The following NUDCD3 variants were observed in gnomAD, a reference collection of about 807,000 sequenced individuals.
The protein encoded by NUDCD3 is nudC domain-containing protein 3.
NUDCD3 carries 13 observed loss-of-function variants against 39.7 expected under a neutral mutation model. That is an observed-to-expected ratio of 0.33 (90% CI 0.21 to 0.52). The LOEUF (loss-of-function observed/expected upper bound fraction) is 0.52, where lower values mean the gene tolerates loss of function less well. NUDCD3 is among the 20% of genes least tolerant of loss of function. The pLI, the probability that NUDCD3 is intolerant of heterozygous loss-of-function variation, is 0.96. For missense variants in NUDCD3, 453 were observed against 458.1 expected (o/e 0.99, Z 0.10); for synonymous variants, 175 against 172.4 (o/e 1.02, Z -0.12).
chr7:44,391,606 C>T (rs984121800), intron 5 of NUDCD3, among the ~76,000 whole-genome samples: 3 of 152,162 alleles, frequency 2.0e-5, no homozygotes, highest in Non-Finnish European at 1.5e-5. Flanking sequence ...GCACTGCGTC[C>T]GCGTGCCCTG....
intron 2 of NUDCD3, among the ~76,000 whole-genome samples, chr7:44,450,306 T>C (rs1472415376): frequency 1.3e-5 from 2 of 151,920 alleles, no homozygotes; most frequent in Non-Finnish European, 2.9e-5. Context: ...GCCTCCCCAG[T>C]AGCAGGCTCA....
intron 3 of NUDCD3, among the ~76,000 whole-genome samples, chr7:44,419,390 C>T (rs576396212): frequency 1.3e-5 from 2 of 152,298 alleles, no homozygotes; most frequent in Admixed American, 6.5e-5. Context: ...GGAGAAGGGA[C>T]GGCTGTGGGC....
In NUDCD3 at chr7:44,483,086, GTA is replaced by G. The variant is rs745702455; in HGVS notation, c.509+1880_509+1881del. Among the ~76,000 whole-genome samples the G allele has an allele frequency of 3.9e-5, 6 of 152,132 alleles. No homozygotes were observed. The South Asian group carries it at 6.2e-4, about 16-fold the overall frequency. ...CTCCTAAGTGTGTGTGTGTGTGTGT[GTA>G]TGTGTGTGTGTGCTCAAAAGTCTCC... On this transcript the variant is annotated intron_variant, in intron 2 of 5. Transcript: ENST00000355451.
chr7:44,419,974 G>A (rs967749550), intron 3 of NUDCD3, among the ~76,000 whole-genome samples: 1 of 152,144 alleles, frequency 6.6e-6, no homozygotes, highest in African/African-American at 2.4e-5. Flanking sequence ...TCCAGCAAGG[G>A]CACAAAACTG....
intron 4 of NUDCD3, among the ~76,000 whole-genome samples, chr7:44,394,954 G>A (rs1000724990): frequency 6.6e-6 from 1 of 152,202 alleles, no homozygotes; most frequent in Admixed American, 6.5e-5. Context: ...CTGCCCAACA[G>A]GAAGGAGGGG....
At chr7:44,402,734 CA>C (rs1798749428) in intron 4 of NUDCD3, 1 of 456,126 alleles carries the variant, frequency 2.2e-6, no homozygotes, top group Non-Finnish European at 4.4e-6. Context: ...GCAGGAGAGT[CA>C]AGGCCAGTGT....
intron 2 of NUDCD3, among the ~76,000 whole-genome samples, chr7:44,436,818 G>C (rs761498375): frequency 6.6e-6 from 1 of 151,942 alleles, no homozygotes; most frequent in Non-Finnish European, 1.5e-5. Context: ...TTATTTGTTG[G>C]TTTACAGTTT....
chr7:44,489,458 T>G (rs1800686107), intron 1 of NUDCD3, among the ~76,000 whole-genome samples: 1 of 152,194 alleles, frequency 6.6e-6, no homozygotes, highest in Non-Finnish European at 1.5e-5. Flanking sequence ...CATTAAGACT[T>G]CAGGAGGAAA....
intron 3 of NUDCD3, among the ~76,000 whole-genome samples, chr7:44,423,527 G>C (rs1799179904): frequency 6.6e-6 from 1 of 152,108 alleles, no homozygotes; most frequent in African/African-American, 2.4e-5. Context: ...AGTCATGAGT[G>C]AACTCCCATC....
At chr7:44,454,839 TAGG>T (rs747782868) in intron 2 of NUDCD3, among the ~76,000 whole-genome samples, 66 of 151,528 alleles carry the variant, frequency 4.4e-4, no homozygotes, top group Non-Finnish European at 8.7e-4. Context: ...AGGCTATGGG[TAGG>T]AGGATTGCTT....
At chr7:44,477,727 T>C (rs571649978) in intron 2 of NUDCD3, among the ~76,000 whole-genome samples, 24 of 152,218 alleles carry the variant, frequency 1.6e-4, no homozygotes, top group African/African-American at 5.1e-4. Flanking sequence ...GCTAATCATG[T>C]CTGCAGGCAC....
intron 2 of NUDCD3, among the ~76,000 whole-genome samples, chr7:44,476,130 G>C (rs975334891): frequency 6.6e-6 from 1 of 152,180 alleles, no homozygotes; most frequent in Non-Finnish European, 1.5e-5. Context: ...AAAAAGCCTC[G>C]ACTAGTAAAG....
At chr7:44,450,507 G>T (rs190270601) in intron 2 of NUDCD3, among the ~76,000 whole-genome samples, 1 of 151,836 alleles carries the variant, frequency 6.6e-6, no homozygotes, top group African/African-American at 2.4e-5. Context: ...AACACCAAAT[G>T]CTGGCCATGC....
At chr7:44,458,193 A>C (rs550434013) in intron 2 of NUDCD3, among the ~76,000 whole-genome samples, 1 of 152,374 alleles carries the variant, frequency 6.6e-6, no homozygotes, top group South Asian at 2.1e-4. Flanking sequence ...ACACTCCATT[A>C]AGTGAGAAAA....
At chr7:44,453,417 T>C (rs910097202) in intron 2 of NUDCD3, among the ~76,000 whole-genome samples, 2 of 152,076 alleles carry the variant, frequency 1.3e-5, no homozygotes, top group Admixed American at 6.5e-5. Context: ...TAGAATCCCA[T>C]AGTGGTTTCT....
intron 2 of NUDCD3, among the ~76,000 whole-genome samples, chr7:44,445,253 G>A (rs959090754): frequency 4.1e-4 from 62 of 152,202 alleles, no homozygotes; most frequent in African/African-American, 1.4e-3. Context: ...CACCCTGACT[G>A]ACTGCTGCCT....
chr7:44,480,242 A>G (rs1330155249), intron 2 of NUDCD3, among the ~76,000 whole-genome samples: 1 of 152,234 alleles, frequency 6.6e-6, no homozygotes, highest in Non-Finnish European at 1.5e-5. Context: ...AATCAAAACC[A>G]ATACCCTCCT....
chr7:44,436,141 T>C (rs1221938811), intron 2 of NUDCD3, among the ~76,000 whole-genome samples: 1 of 152,206 alleles, frequency 6.6e-6, no homozygotes, highest in Non-Finnish European at 1.5e-5. Flanking sequence ...CAGGAAAATG[T>C]GAATATAGAC....
intron 3 of NUDCD3, 106 bp downstream of exon 3, chr7:44,427,465 C>T: frequency 7.6e-7 from 1 of 1,310,050 alleles, no homozygotes; most frequent in Non-Finnish European, 1.1e-6. Flanking sequence ...ACCTCACATC[C>T]TAAAGCCGAT....
Sources: allele counts gnomAD v4.1 joint callset (sites outside exome capture counted in the v4.1 genomes callset), GRCh38; gene constraint gnomAD v4.1.1; transcripts MANE v1.5; gene names NCBI Gene and HGNC (gene_info 2026-07-23, HGNC 2026-07-21).